CPNE4: variants seen among roughly 807,000 people sequenced by gnomAD.
The protein encoded by CPNE4 is copine 4, also known as copine-4.
A neutral mutation model predicts 67.9 loss-of-function variants in CPNE4; 25 were observed. The ratio of observed to expected loss-of-function variants is 0.37; its 90% CI spans 0.27 to 0.51. CPNE4 has a LOEUF of 0.51. Ranked by LOEUF, CPNE4 falls within the 20% of genes least tolerant of loss-of-function variation. CPNE4 has a pLI of 0.93. For missense variants in CPNE4, 464 were observed against 690.8 expected (o/e 0.67, Z 3.68); for synonymous variants, 242 against 244.9 (o/e 0.99, Z 0.11).
At chr3:131,820,903 C>T (rs72987734) in intron 2 of CPNE4, among the ~76,000 whole-genome samples, 4,812 of 152,258 alleles carry the variant, frequency 0.032, 181 homozygotes, top group South Asian at 0.094. Flanking sequence ...CTTCTTGCCA[C>T]ACCATTCCTA....
At chr3:131,859,603 G>A (rs2086591969) in intron 2 of CPNE4, among the ~76,000 whole-genome samples, 2 of 152,172 alleles carry the variant, frequency 1.3e-5, no homozygotes, top group South Asian at 2.1e-4. Context: ...ATCTCTGGGG[G>A]TGGAACTTAT....
chr3:131,538,659 G>A (rs74866241), intron 15 of CPNE4, among the ~76,000 whole-genome samples: 1,640 of 152,308 alleles, frequency 0.011, 26 homozygotes, highest in South Asian at 0.055. Context: ...ATGATAGTTT[G>A]AGTGTGTCTC....
At chr3:131,663,531 CAG>C (rs1158652623) in intron 7 of CPNE4, among the ~76,000 whole-genome samples, 3 of 151,774 alleles carry the variant, frequency 2.0e-5, no homozygotes, top group South Asian at 4.2e-4. Context: ...AAAAAAAAGA[CAG>C]TATTTCTCAA....
chr3:131,830,752 C>G (rs1323228039), intron 2 of CPNE4, among the ~76,000 whole-genome samples: 1 of 152,004 alleles, frequency 6.6e-6, no homozygotes, highest in Non-Finnish European at 1.5e-5. Context: ...CAAAGGCAAG[C>G]TTCATAAAAT....
chr3:132,017,395 AAAG>A (rs1560792079), intron 1 of CPNE4: 1 of 152,188 alleles, frequency 6.6e-6, no homozygotes, highest in Non-Finnish European at 1.5e-5. Context: ...GAAAGGATGA[AAAG>A]AAGAGTAGGG....
chr3:131,584,240 T>C (rs1014817581), intron 8 of CPNE4, among the ~76,000 whole-genome samples: 5 of 152,156 alleles, frequency 3.3e-5, no homozygotes, highest in Admixed American at 1.3e-4. Context: ...ATCCATTCTC[T>C]TGATTTTAAA....
intron 2 of CPNE4, among the ~76,000 whole-genome samples, chr3:131,891,186 A>T (rs1435028038): frequency 1.3e-5 from 2 of 152,104 alleles, no homozygotes; most frequent in Non-Finnish European, 2.9e-5. Context: ...GATTGTGGTG[A>T]TACCAGTATG....
chr3:132,028,661 AAG>A (rs1366712669), intron 1 of CPNE4, among the ~76,000 whole-genome samples: 1 of 152,196 alleles, frequency 6.6e-6, no homozygotes, highest in Non-Finnish European at 1.5e-5. Flanking sequence ...CTTTAACAAA[AAG>A]GAAAAATGGC....
At chr3:131,588,683 A>T (rs1938340240) in intron 7 of CPNE4, among the ~76,000 whole-genome samples, 1 of 152,066 alleles carries the variant, frequency 6.6e-6, no homozygotes, top group Non-Finnish European at 1.5e-5. Flanking sequence ...ATTCCTACTC[A>T]TTTATTTTCT....
At chr3:132,012,974 G>A (rs1293463508) in intron 1 of CPNE4, among the ~76,000 whole-genome samples, 1 of 152,202 alleles carries the variant, frequency 6.6e-6, no homozygotes, top group Non-Finnish European at 1.5e-5. Flanking sequence ...TGTAATCCCA[G>A]CACTTTGGGA....
At chr3:131,698,433 T>G (rs2081210963) in intron 4 of CPNE4, among the ~76,000 whole-genome samples, 1 of 151,862 alleles carries the variant, frequency 6.6e-6, no homozygotes. Flanking sequence ...CCATAGCTTT[T>G]CAGAGCACCA....
chr3:131,552,031 C>G (rs968550806), intron 13 of CPNE4, among the ~76,000 whole-genome samples: 1 of 150,314 alleles, frequency 6.7e-6, no homozygotes, highest in African/African-American at 2.5e-5. Context: ...CATGTTCCCC[C>G]CTCTCCTTAT....
intron 2 of CPNE4, among the ~76,000 whole-genome samples, chr3:131,835,257 G>A (rs781357411): frequency 1.3e-5 from 2 of 152,174 alleles, no homozygotes; most frequent in African/African-American, 4.8e-5. Flanking sequence ...GGCCAGGTGC[G>A]GAGGCTCAAG....
intron 7 of CPNE4, among the ~76,000 whole-genome samples, chr3:131,616,041 C>T (rs986050854): frequency 6.6e-6 from 1 of 152,100 alleles, no homozygotes; most frequent in Admixed American, 6.5e-5. Flanking sequence ...CATGCCCATG[C>T]TCCCCTGGCC....
At chr3:132,003,868 T>C (rs558308339) in intron 1 of CPNE4, among the ~76,000 whole-genome samples, 169 of 152,096 alleles carry the variant, frequency 1.1e-3, no homozygotes, top group Non-Finnish European at 1.8e-3. Flanking sequence ...CCATGGAAGC[T>C]GAGATGCTGA....
At chr3:131,977,220 C>G (rs1162014529) in intron 1 of CPNE4, among the ~76,000 whole-genome samples, 1 of 152,174 alleles carries the variant, frequency 6.6e-6, no homozygotes, top group Non-Finnish European at 1.5e-5. Flanking sequence ...ATTCAAGCAT[C>G]TTGGAGCTAA....
chr3:131,747,956 A>T (rs2082532906), intron 2 of CPNE4, among the ~76,000 whole-genome samples: 1 of 152,018 alleles, frequency 6.6e-6, no homozygotes, highest in African/African-American at 2.4e-5. Context: ...TCAGTTTTTT[A>T]CCATTAAGTA....
At chr3:131,729,894 A>G (rs2082088355) in intron 2 of CPNE4, among the ~76,000 whole-genome samples, 2 of 152,310 alleles carry the variant, frequency 1.3e-5, no homozygotes, top group Middle Eastern at 3.4e-3. Flanking sequence ...TGCCTAGTAA[A>G]TTATTAAATT....
intron 1 of CPNE4, among the ~76,000 whole-genome samples, chr3:131,907,726 T>C (rs1328423875): frequency 1.3e-5 from 2 of 152,082 alleles, no homozygotes; most frequent in East Asian, 3.9e-4. Flanking sequence ...GCAATAGAGA[T>C]TGCAAGTACC....
Sources: allele counts gnomAD v4.1 joint callset (sites outside exome capture counted in the v4.1 genomes callset), GRCh38; gene constraint gnomAD v4.1.1; transcripts MANE v1.5; gene names NCBI Gene and HGNC (gene_info 2026-07-23, HGNC 2026-07-21).